The following PATJ variants were observed in gnomAD, a reference collection of about 807,000 sequenced individuals.
The protein encoded by PATJ is inaD-like protein.
PATJ carries 190 observed loss-of-function variants against 224.9 expected under a neutral mutation model. The observed-to-expected ratio is 0.84, with a 90% confidence interval of 0.75 to 0.95. The LOEUF (loss-of-function observed/expected upper bound fraction) is 0.95. Among genes scored for constraint, PATJ ranks in the 40% least tolerant of loss-of-function variants. The pLI, the probability that PATJ is intolerant of heterozygous loss-of-function variation, is 0.00. For missense variants in PATJ, 2,121 were observed against 2,270.3 expected, an observed-to-expected ratio of 0.93 and a Z score of 1.34; for synonymous variants, 769 against 820.3, an observed-to-expected ratio of 0.94 and a Z score of 1.07.
At chr1:62,024,751 G>T (rs1030310799) in intron 29 of PATJ, among the ~76,000 whole-genome samples, 1 of 151,152 alleles carries the variant, frequency 6.6e-6, no homozygotes, top group Non-Finnish European at 1.5e-5. Context: ...GTCTCCCTCT[G>T]TGGAAGGTGA....
At chr1:62,101,415 A>G (rs1025734708) in intron 33 of PATJ, among the ~76,000 whole-genome samples, 2 of 151,952 alleles carry the variant, frequency 1.3e-5, no homozygotes, top group African/African-American at 4.8e-5. Context: ...GGCACGCACT[A>G]TCACGCCCAG....
chr1:62,072,972 C>T (rs982607817), intron 31 of PATJ: 2 of 890,994 alleles, frequency 2.2e-6, no homozygotes, highest in Non-Finnish European at 2.7e-6. Flanking sequence ...TTGGAAAGTG[C>T]GGTTGAGCCC....
intron 20 of PATJ, among the ~76,000 whole-genome samples, chr1:61,867,925 C>G (rs1040784838): frequency 2.0e-5 from 3 of 152,130 alleles, no homozygotes; most frequent in African/African-American, 4.8e-5. Flanking sequence ...ATTCCCAATA[C>G]TATTCTAGAG....
At chr1:62,005,048 T>C (rs1646006885) in intron 28 of PATJ, among the ~76,000 whole-genome samples, 1 of 152,142 alleles carries the variant, frequency 6.6e-6, no homozygotes, top group South Asian at 2.1e-4. Flanking sequence ...ATTATTAGTA[T>C]AATTGTTTGT....
intron 21 of PATJ, 109 bp downstream of exon 21, chr1:61,875,475 T>G: frequency 1.2e-6 from 1 of 859,438 alleles, no homozygotes; most frequent in Non-Finnish European, 1.8e-6. Context: ...ATTATGATGC[T>G]TTGAATTTAT....
At chr1:61,977,931 G>A (rs1334403313) in intron 27 of PATJ, among the ~76,000 whole-genome samples, 1 of 150,382 alleles carries the variant, frequency 6.6e-6, no homozygotes, top group Non-Finnish European at 1.5e-5. Context: ...AAAATAAGTT[G>A]ATTGAAATAC....
At chr1:61,809,387 CTTTT>C (rs747444674) in intron 14 of PATJ, among the ~76,000 whole-genome samples, 8 of 137,906 alleles carry the variant, frequency 5.8e-5, no homozygotes, top group Admixed American at 7.3e-5. Context: ...AATGTATTTT[CTTTT>C]TTTTTTTTTT....
chr1:62,093,451 T>C (rs575825659), intron 33 of PATJ, among the ~76,000 whole-genome samples: 2 of 152,360 alleles, frequency 1.3e-5, no homozygotes, highest in South Asian at 4.1e-4. Flanking sequence ...ACGTGAACTT[T>C]GTACGGTCTA....
chr1:61,824,357 ACCCGGTCCACT>A (rs1460681241), intron 15 of PATJ, among the ~76,000 whole-genome samples: 1 of 146,522 alleles, frequency 6.8e-6, no homozygotes, highest in East Asian at 2.0e-4. Flanking sequence ...GAGCCACTGC[ACCCGGTCCACT>A]TTTTTTTTTT....
At chr1:61,959,774 A>T (rs1681007814) in intron 27 of PATJ, among the ~76,000 whole-genome samples, 1 of 152,098 alleles carries the variant, frequency 6.6e-6, no homozygotes. Flanking sequence ...GGGTCTCAAC[A>T]CAGTCCTTTG....
In PATJ at chr1:61,990,620, G is replaced by A. The variant is rs1569738692; in HGVS notation, c.3867+256G>A. ...ATCATGGAAACATATTAAAACCTTT[G>A]TTTTTAATATCAATTTTTAAGTATT... On this transcript the variant is annotated intron_variant, in intron 28 of 43. Transcript: ENST00000642238. Among the ~76,000 whole-genome samples the A allele has an allele frequency of 2.6e-5, 4 of 152,146 alleles. No homozygotes were observed. In the Middle Eastern group the frequency reaches 0.014, roughly 518 times the overall value.
intron 42 of PATJ, 29 bp downstream of exon 42, chr1:62,148,419 T>C: frequency 2.0e-6 from 3 of 1,497,502 alleles, no homozygotes; most frequent in Non-Finnish European, 2.8e-6. Flanking sequence ...GAGGGCCTAT[T>C]ATGCATGTGG....
At chr1:61,784,597 A>G (rs1234911887) in intron 7 of PATJ, among the ~76,000 whole-genome samples, 1 of 152,262 alleles carries the variant, frequency 6.6e-6, no homozygotes, top group Non-Finnish European at 1.5e-5. Flanking sequence ...CTAAAAATAT[A>G]CTTTATGATA....
chr1:61,986,876 A>C (rs1170922516), intron 27 of PATJ, among the ~76,000 whole-genome samples: 1 of 151,974 alleles, frequency 6.6e-6, no homozygotes, highest in African/African-American at 2.4e-5. Context: ...AGATGCCCTT[A>C]TCTTTGCTAT....
At position 61,875,380 on chromosome 1, in the gene PATJ, G is replaced by T; in HGVS notation, c.2959+14G>T. 1.3e-6 allele frequency: 2 copies of T among 1,589,638 alleles called. No homozygotes were observed. Among genetic ancestry groups the T allele is most frequent in the African/African-American group, 1.4e-5 (1 of 73,592 alleles). On this transcript the variant is annotated intron_variant, in intron 21 of 43. Transcript: ENST00000642238. ...GTCTGGATTTAGGTTTGTGACTTTT[G>T]TTTCTCATAAACACAAATTACATTA... is the stretch of plus-strand genomic sequence containing the variant.
intron 38 of PATJ, 139 bp downstream of exon 38, chr1:62,121,434 G>C: frequency 1.6e-6 from 1 of 626,148 alleles, no homozygotes; most frequent in African/African-American, 1.9e-5. Flanking sequence ...TGAGCTTTCT[G>C]AAAGGCATGT....
chr1:61,974,808 T>A (rs1644039139), intron 27 of PATJ, among the ~76,000 whole-genome samples: 1 of 152,076 alleles, frequency 6.6e-6, no homozygotes, highest in African/African-American at 2.4e-5. Context: ...ATGAGGAGTT[T>A]TGGATGATAT....
At chr1:61,980,819 G>T (rs1234645804) in intron 27 of PATJ, among the ~76,000 whole-genome samples, 1 of 152,092 alleles carries the variant, frequency 6.6e-6, no homozygotes, top group Admixed American at 6.5e-5. Flanking sequence ...CAGGAGGAGT[G>T]CTACCATTTC....
chr1:61,914,184 A>G (rs1673086493), intron 25 of PATJ, among the ~76,000 whole-genome samples: 1 of 152,220 alleles, frequency 6.6e-6, no homozygotes, highest in Non-Finnish European at 1.5e-5. Flanking sequence ...GGCCAGGCTC[A>G]GTGGCTCACG....
Sources: allele counts gnomAD v4.1 joint callset (sites outside exome capture counted in the v4.1 genomes callset), GRCh38; gene constraint gnomAD v4.1.1; transcripts MANE v1.5; gene names NCBI Gene and HGNC (gene_info 2026-07-23, HGNC 2026-07-21).